Variants in DLG2 observed in about 807,000 individuals in gnomAD.
DLG2 encodes the protein discs large MAGUK scaffold protein 2, also known as disks large homolog 2.
Under a neutral mutation model 132.5 loss-of-function variants are expected in DLG2, and 45 were observed. That is an observed-to-expected ratio of 0.34 (90% CI 0.27 to 0.44). The LOEUF (loss-of-function observed/expected upper bound fraction) is 0.44, where lower values mean the gene tolerates loss of function less well. Among genes scored for constraint, DLG2 ranks in the 20% least tolerant of loss-of-function variants. DLG2 has a pLI of 1.00. For synonymous variants in DLG2, 424 were observed against 419.6 expected, an observed-to-expected ratio of 1.01 and a Z score of -0.13; for missense variants, 1,045 against 1,196.9, an observed-to-expected ratio of 0.87 and a Z score of 1.87.
chr11:84,237,344 G>A lies in DLG2; in HGVS notation c.573+13894C>T, dbSNP rs149945683. On this transcript the variant is annotated intron_variant, in intron 8 of 27. Coordinates refer to ENST00000376104, the MANE Select transcript of DLG2 (RefSeq NM_001142699.3). ...TTTGCTTTAAAAACAAGAAAACCAC[G>A]AAAATTTCCTGAGATTGTCTTTAAA... is the stretch of plus-strand genomic sequence containing the variant. Among the ~76,000 whole-genome samples, 548 of 152,202 alleles carry A rather than the reference G, an allele frequency of 3.6e-3. 5 individuals carry two copies. The highest frequency in any genetic ancestry group is 0.012 in the African/African-American group (512 of 41,544).
Position 84,788,058 on chromosome 11 carries a change from G to C in DLG2, c.358-253327C>G, listed in dbSNP as rs2073207264. Among the ~76,000 whole-genome samples, 5 of 119,934 alleles carry C rather than the reference G, an allele frequency of 4.2e-5. No individual in the cohort carries two copies. The South Asian group carries it at 1.4e-3, about 34-fold the overall frequency. 78.7% of individuals were successfully genotyped at this position (119,934 alleles called of 152,430 possible). A position where few individuals can be genotyped will look rare whatever the true frequency, so the allele number is the denominator to read the frequency against. On this transcript the variant is annotated intron_variant, in intron 6 of 27. Coordinates refer to ENST00000376104, the MANE Select transcript of DLG2 (RefSeq NM_001142699.3). ...TAGAGGTTGAATGAGCTGAGACTGA[G>C]CCACTGCATTCCAGCCTGGGTGACA...
At chr11:84,328,565 TTTC>T (rs1489025442) in intron 7 of DLG2, among the ~76,000 whole-genome samples, 1 of 152,180 alleles carries the variant, frequency 6.6e-6, no homozygotes, top group African/African-American at 2.4e-5. Context: ...GGAATCAGTT[TTTC>T]TTCAGTTTAA....
intron 5 of DLG2, among the ~76,000 whole-genome samples, chr11:85,121,543 G>T (rs2074315486): frequency 6.6e-6 from 1 of 151,840 alleles, no homozygotes; most frequent in African/African-American, 2.4e-5. Flanking sequence ...TAATAAAAAG[G>T]TGCAATTGTC....
chr11:85,340,371 C>G (rs1216943670), intron 3 of DLG2, among the ~76,000 whole-genome samples: 1 of 152,086 alleles, frequency 6.6e-6, no homozygotes, highest in East Asian at 1.9e-4. Context: ...CCATCATTCT[C>G]AGCAAACTAT....
intron 6 of DLG2, among the ~76,000 whole-genome samples, chr11:85,016,314 A>G (rs1285914722): frequency 6.6e-6 from 1 of 152,090 alleles, no homozygotes; most frequent in Non-Finnish European, 1.5e-5. Context: ...TTTTGACCTC[A>G]ATCTCCTATC....
intron 6 of DLG2, among the ~76,000 whole-genome samples, chr11:84,909,442 C>G (rs930025449): frequency 6.6e-6 from 1 of 152,126 alleles, no homozygotes; most frequent in African/African-American, 2.4e-5. Context: ...ATTTGCGTTT[C>G]TAAGTTTCAG....
chr11:84,190,064 G>A (rs540647004), intron 8 of DLG2, among the ~76,000 whole-genome samples: 7 of 151,974 alleles, frequency 4.6e-5, no homozygotes, highest in Non-Finnish European at 1.0e-4. Context: ...ATAGAAAGAT[G>A]GTAGTATGGG....
intron 15 of DLG2, among the ~76,000 whole-genome samples, chr11:83,882,061 G>A (rs978930323): frequency 2.0e-5 from 3 of 152,042 alleles, no homozygotes; most frequent in Non-Finnish European, 4.4e-5. Flanking sequence ...TGGAAAGTAT[G>A]GATGATGGAT....
At chr11:85,430,421 A>AT (rs1400738040) in intron 3 of DLG2, among the ~76,000 whole-genome samples, 1 of 152,190 alleles carries the variant, frequency 6.6e-6, no homozygotes, top group Non-Finnish European at 1.5e-5. Context: ...ATTTATTAAA[A>AT]TAAAAAATTA....
At chr11:85,619,995 T>C (rs1016022355) in intron 2 of DLG2, among the ~76,000 whole-genome samples, 1 of 152,258 alleles carries the variant, frequency 6.6e-6, no homozygotes, top group African/African-American at 2.4e-5. Context: ...TTTGCTTTAC[T>C]GCACTTTGCA....
At position 84,729,464 on chromosome 11, in the gene DLG2, C is replaced by A. The variant is rs186397591; in HGVS notation, c.358-194733G>T. ...GAGACTGTTTGTTATGATTTCCGTTCTTTTGCATTTGCTGAAGCGTGTTTT... is the reference window on the plus strand; with the variant it reads ...GAGACTGTTTGTTATGATTTCCGTTATTTTGCATTTGCTGAAGCGTGTTTT... On this transcript the variant is annotated intron_variant, in intron 6 of 27. Transcript: ENST00000376104. Among the ~76,000 whole-genome samples, 48 of 152,164 alleles carry A rather than the reference C, an allele frequency of 3.2e-4. No individual in the cohort carries two copies. The East Asian group carries it at 7.7e-3, about 24-fold the overall frequency.
At chr11:84,036,682 A>T (rs895035886) in intron 11 of DLG2, among the ~76,000 whole-genome samples, 1 of 152,180 alleles carries the variant, frequency 6.6e-6, no homozygotes, top group African/African-American at 2.4e-5. Flanking sequence ...AGAAAAAATT[A>T]TAAGAAAATC....
chr11:84,779,022 G>C lies in DLG2; in HGVS notation c.358-244291C>G, dbSNP rs374817560. Among the ~76,000 whole-genome samples the C allele has an allele frequency of 6.6e-5, 10 of 152,306 alleles. No homozygotes were observed. In the East Asian group the frequency reaches 1.7e-3, roughly 27 times the overall value. On this transcript the variant is annotated intron_variant, in intron 6 of 27. Transcript: ENST00000376104. Reference sequence around the variant, plus strand: ...AGGGGCTCTCAGGCCTTCAGCCACTGATGAAAGCCTGCACTGTCGGCTTCC... The same window carrying C: ...AGGGGCTCTCAGGCCTTCAGCCACTCATGAAAGCCTGCACTGTCGGCTTCC...
At chr11:83,792,038 T>C (rs112342456) in intron 17 of DLG2, among the ~76,000 whole-genome samples, 1,748 of 152,346 alleles carry the variant, frequency 0.011, 34 homozygotes, top group African/African-American at 0.04. Flanking sequence ...CATTGAGCAA[T>C]GTATCTTGGA....
intron 6 of DLG2, among the ~76,000 whole-genome samples, chr11:84,604,695 C>T (rs893627736): frequency 2.6e-5 from 4 of 151,918 alleles, no homozygotes; most frequent in African/African-American, 9.7e-5. Flanking sequence ...CGGGAAATGA[C>T]AAGGTCAACA....
chr11:84,804,062 A>G (rs2075727958), intron 6 of DLG2, among the ~76,000 whole-genome samples: 1 of 152,214 alleles, frequency 6.6e-6, no homozygotes, highest in African/African-American at 2.4e-5. Flanking sequence ...TGTTGTTTGC[A>G]TTATTATTGC....
intron 7 of DLG2, among the ~76,000 whole-genome samples, chr11:84,297,876 G>A (rs4472957): frequency 1.1e-4 from 17 of 151,914 alleles, no homozygotes; most frequent in African/African-American, 2.4e-4. Context: ...AGGTCCTTGC[G>A]TATGCTAGTC....
At chr11:85,048,071 C>T (rs1408943726) in intron 6 of DLG2, among the ~76,000 whole-genome samples, 2 of 151,904 alleles carry the variant, frequency 1.3e-5, no homozygotes, top group Non-Finnish European at 2.9e-5. Context: ...ATTTTCTCAG[C>T]TTTGATAGTA....
At chr11:84,642,117 A>AGTGTGTGTGTGT (rs139383928) in intron 6 of DLG2, among the ~76,000 whole-genome samples, 15 of 138,824 alleles carry the variant, frequency 1.1e-4, no homozygotes, top group African/African-American at 3.2e-4. Context: ...GTATATGTAG[A>AGTGTGTGTGTGT]GTGTGTGTGT....
Sources: allele counts gnomAD v4.1 joint callset (sites outside exome capture counted in the v4.1 genomes callset), GRCh38; gene constraint gnomAD v4.1.1; transcripts MANE v1.5; gene names NCBI Gene and HGNC (gene_info 2026-07-23, HGNC 2026-07-21).